The following MCC variants were observed in gnomAD, a reference collection of about 807,000 sequenced individuals.
The protein encoded by MCC is colorectal mutant cancer protein.
Under a neutral mutation model 116.2 loss-of-function variants are expected in MCC, and 90 were observed. That is an observed-to-expected ratio of 0.77 (90% CI 0.65 to 0.92). The LOEUF is 0.92. MCC is among the 40% of genes least tolerant of loss of function. The pLI, the probability that MCC is intolerant of heterozygous loss-of-function variation, is 0.00. For missense variants in MCC, 1,516 were observed against 1,312.2 expected (o/e 1.16, Z -2.40); for synonymous variants, 578 against 510.5 (o/e 1.13, Z -1.78).
intron 3 of MCC, among the ~76,000 whole-genome samples, chr5:113,321,683 C>T (rs1442193202): frequency 6.6e-6 from 1 of 152,218 alleles, no homozygotes; most frequent in Non-Finnish European, 1.5e-5. Context: ...CTCCAGTTCA[C>T]AAGCCTTCTT....
intron 14 of MCC, among the ~76,000 whole-genome samples, chr5:113,059,170 T>A (rs1274421867): frequency 6.6e-6 from 1 of 151,660 alleles, no homozygotes; most frequent in Non-Finnish European, 1.5e-5. Context: ...ACAAAAGATC[T>A]CAGTCCACAG....
chr5:113,075,146 A>G (rs7728858), intron 11 of MCC, among the ~76,000 whole-genome samples: 52,032 of 152,156 alleles, frequency 0.34, 8,911 homozygotes, highest in Middle Eastern at 0.39. Context: ...GGCTGGTGCC[A>G]CTGGCCCTGG....
At chr5:113,058,723 T>C (rs769744622) in intron 14 of MCC, among the ~76,000 whole-genome samples, 12 of 152,222 alleles carry the variant, frequency 7.9e-5, no homozygotes, top group Non-Finnish European at 1.2e-4. Flanking sequence ...CCAATGTTTC[T>C]GGGCTGCAGG....
At chr5:113,352,825 C>T (rs576494165) in intron 2 of MCC, among the ~76,000 whole-genome samples, 2 of 152,218 alleles carry the variant, frequency 1.3e-5, no homozygotes, top group South Asian at 2.1e-4. Flanking sequence ...AGTGATTCTT[C>T]GTCAGAAGAA....
intron 14 of MCC, among the ~76,000 whole-genome samples, chr5:113,060,313 C>A (rs1473144649): frequency 6.6e-6 from 1 of 152,104 alleles, no homozygotes; most frequent in South Asian, 2.1e-4. Context: ...TACCACCATG[C>A]CTGGCTAAAT....
intron 2 of MCC, 149 bp downstream of exon 2, chr5:113,384,819 A>G (rs1221621329): frequency 3.8e-6 from 3 of 791,710 alleles, no homozygotes; most frequent in Middle Eastern, 3.7e-4. Flanking sequence ...GGAAACAGTG[A>G]GCACTCCCCC....
chr5:113,261,456 G>A (rs1054542521), intron 3 of MCC, among the ~76,000 whole-genome samples: 1 of 152,110 alleles, frequency 6.6e-6, no homozygotes, highest in Non-Finnish European at 1.5e-5. Context: ...GCTTCAAGAA[G>A]TTTGCCCACC....
intron 11 of MCC, among the ~76,000 whole-genome samples, chr5:113,075,315 C>G (rs1391830409): frequency 6.6e-6 from 1 of 152,092 alleles, no homozygotes; most frequent in African/African-American, 2.4e-5. Context: ...GCCCGAGCCC[C>G]CCTCACCCCC....
intron 3 of MCC, among the ~76,000 whole-genome samples, chr5:113,282,518 A>G (rs1001066017): frequency 5.3e-5 from 8 of 152,204 alleles, no homozygotes; most frequent in Non-Finnish European, 1.0e-4. Context: ...CCATCAGATT[A>G]TGCCAAAAGA....
intron 12 of MCC, among the ~76,000 whole-genome samples, chr5:113,069,449 T>G (rs968875801): frequency 6.6e-6 from 1 of 152,204 alleles, no homozygotes; most frequent in Non-Finnish European, 1.5e-5. Flanking sequence ...ATCCTCAGGG[T>G]CCCAGATAAT....
chr5:113,386,915 T>C (rs991215054), intron 1 of MCC, among the ~76,000 whole-genome samples: 3 of 152,142 alleles, frequency 2.0e-5, no homozygotes, highest in Non-Finnish European at 4.4e-5. Context: ...TAATTTTTCA[T>C]TATCCCACAG....
intron 1 of MCC, among the ~76,000 whole-genome samples, chr5:113,440,337 T>A (rs568425449): frequency 1.3e-4 from 20 of 152,198 alleles, no homozygotes; most frequent in African/African-American, 4.3e-4. Flanking sequence ...CCTGCTACTG[T>A]CTCCTGGCTC....
At chr5:113,234,144 T>C (rs150810429) in intron 3 of MCC, among the ~76,000 whole-genome samples, 1,736 of 152,268 alleles carry the variant, frequency 0.011, 21 homozygotes, top group Non-Finnish European at 0.018. Context: ...CATGAACTGA[T>C]AGTTTGTGAA....
intron 3 of MCC, among the ~76,000 whole-genome samples, chr5:113,265,620 A>G (rs973326785): frequency 1.3e-5 from 2 of 152,088 alleles, no homozygotes; most frequent in Non-Finnish European, 2.9e-5. Flanking sequence ...CCCCCTTTTC[A>G]TTTGTTGTAA....
At chr5:113,184,936 G>C (rs1189577180) in intron 3 of MCC, among the ~76,000 whole-genome samples, 2 of 152,162 alleles carry the variant, frequency 1.3e-5, no homozygotes, top group Non-Finnish European at 2.9e-5. Flanking sequence ...ATGTTAGCCT[G>C]AGAGTAACTT....
chr5:113,486,950 T>A (rs1772549752), intron 1 of MCC, among the ~76,000 whole-genome samples: 1 of 152,098 alleles, frequency 6.6e-6, no homozygotes, highest in Non-Finnish European at 1.5e-5. Flanking sequence ...ATAATGAAAT[T>A]TCTTTTACTC....
intron 13 of MCC, among the ~76,000 whole-genome samples, chr5:113,066,537 G>A (rs1404744666): frequency 6.6e-6 from 1 of 152,114 alleles, no homozygotes; most frequent in Non-Finnish European, 1.5e-5. Context: ...TACAAATGAA[G>A]GTGTGCTCCT....
rs75825546 is a variant in MCC, at chr5:113,395,325, G to A, written c.171-10113C>T. ...TTTTTAAATATCTTCTAGTATATAT[G>A]TATGAAAGGAAAATAAAAACTTGGG... On this transcript the variant is annotated intron_variant, in intron 1 of 18. Transcript: ENST00000408903. 8.4e-3 allele frequency among the ~76,000 whole-genome samples: 1,279 copies of A among 152,136 alleles called. 21 individuals carry two copies. The highest frequency in any genetic ancestry group is 0.03 in the African/African-American group (1,228 of 41,496).
chr5:113,378,627 C>A (rs973574464), intron 2 of MCC, among the ~76,000 whole-genome samples: 14 of 152,188 alleles, frequency 9.2e-5, no homozygotes. Context: ...GAAGCACAGA[C>A]AGGTGACAGC....
Sources: allele counts gnomAD v4.1 joint callset (sites outside exome capture counted in the v4.1 genomes callset), GRCh38; gene constraint gnomAD v4.1.1; transcripts MANE v1.5; gene names NCBI Gene and HGNC (gene_info 2026-07-23, HGNC 2026-07-21).